Variants in CHD7 observed in about 807,000 individuals in gnomAD.
CHD7 encodes chromodomain helicase DNA binding protein 7.
CHD7 carries 24 observed loss-of-function variants against 307.3 expected under a neutral mutation model. That is an observed-to-expected ratio of 0.08 (90% confidence interval 0.06 to 0.11). The LOEUF is 0.11. Ranked by LOEUF, CHD7 falls within the 10% of genes least tolerant of loss-of-function variation. The pLI is 1.00. For missense variants in CHD7, 3,106 were observed against 3,727.1 expected (o/e 0.83, Z 4.34); for synonymous variants, 1,363 against 1,349.9 (o/e 1.01, Z -0.21).
intron 1 of CHD7, among the ~76,000 whole-genome samples, chr8:60,710,823 A>G (rs1807251108): frequency 6.6e-6 from 1 of 152,184 alleles, no homozygotes; most frequent in Non-Finnish European, 1.5e-5. Flanking sequence ...TGTCCTGCGT[A>G]AAAAAGAGCT....
chr8:60,776,818 A>G (rs183696646), intron 2 of CHD7, among the ~76,000 whole-genome samples: 2 of 152,288 alleles, frequency 1.3e-5, no homozygotes, highest in Admixed American at 1.3e-4. Flanking sequence ...CCTTTTTTGA[A>G]GAGTGTAGAG....
chr8:60,861,249 A>C, intron 35 of CHD7, 124 bp downstream of exon 35: 1 of 709,578 alleles, frequency 1.4e-6, no homozygotes, highest in Non-Finnish European at 2.3e-6. Flanking sequence ...CCTGGTCTCA[A>C]ACATTTCCCA....
At chr8:60,680,321 G>A (rs1354758224) in intron 1 of CHD7, among the ~76,000 whole-genome samples, 1 of 147,204 alleles carries the variant, frequency 6.8e-6, no homozygotes, top group Non-Finnish European at 1.5e-5. Context: ...CTGGGGGCGC[G>A]GGGCTCGGGC....
rs765715877 is a variant in CHD7, at chr8:60,781,038, G to C, written c.1704G>C (p.Pro568=). Residue 568 remains proline (P), a synonymous_variant, in exon 3 of 38, where the codon CCG becomes CCC. Transcript: ENST00000423902. ...AGCCCTTTCTAGAGAAACCAGTGCC[G>C]GATATGACTCAGGTTAGTGGACCGA... ...PSEPFLEKPV[P]DMTQVSGPNA... 2 of 1,595,456 alleles carry C rather than the reference G, an allele frequency of 1.3e-6. No homozygotes were observed. Among genetic ancestry groups the C allele is most frequent in the South Asian group, 1.1e-5 (1 of 86,966 alleles).
At chr8:60,743,373 G>A (rs1809156453) in intron 2 of CHD7, among the ~76,000 whole-genome samples, 1 of 152,232 alleles carries the variant, frequency 6.6e-6, no homozygotes, top group African/African-American at 2.4e-5. Context: ...AGAGGACTCA[G>A]AATGCTCACA....
intron 3 of CHD7, among the ~76,000 whole-genome samples, chr8:60,791,883 T>G (rs1335506399): frequency 6.6e-6 from 1 of 152,204 alleles, no homozygotes; most frequent in Non-Finnish European, 1.5e-5. Flanking sequence ...TTGGATGAAG[T>G]CATCCTCAGT....
intron 19 of CHD7, among the ~76,000 whole-genome samples, chr8:60,838,842 G>A (rs914076098): frequency 6.6e-6 from 1 of 152,198 alleles, no homozygotes; most frequent in African/African-American, 2.4e-5. Context: ...CCACCTGAGA[G>A]CCCCTTCTGA....
In CHD7 at chr8:60,793,928, G is replaced by C. The variant is rs577593454; in HGVS notation, c.2097-1058G>C. ...ACCTGAGGTCAGGAGTTCAAGACCA[G>C]CATGACCAACATGGTGAAAGCCCGT... On this transcript the variant is annotated intron_variant, in intron 3 of 37. Coordinates refer to ENST00000423902, the MANE Select transcript of CHD7 (RefSeq NM_017780.4). Among the ~76,000 whole-genome samples the C allele has an allele frequency of 3.9e-4, 59 of 152,240 alleles. No individual in the cohort carries two copies. The South Asian group carries it at 0.011, about 29-fold the overall frequency.
chr8:60,742,254 A>G lies in CHD7; in HGVS notation c.822A>G (p.Arg274=), dbSNP rs1218747876. ...GAGAATCCGTTGCCCACAGTCCCAG[A>G]TTCTCCCCGAATCCTCCCCAACAAG... is the stretch of plus-strand genomic sequence containing the variant. The part of the protein sequence containing the change: ...LHGESVAHSP[R]FSPNPPQQGA... The change falls in exon 2 of 38, where the codon AGA becomes AGG. Residue 274 remains arginine (R), a synonymous_variant. Coordinates refer to ENST00000423902, the MANE Select transcript of CHD7 (RefSeq NM_017780.4). The G allele has an allele frequency of 6.2e-7, 1 of 1,613,618 alleles. No individual in the cohort carries two copies. The highest frequency in any genetic ancestry group is 2.2e-5 in the East Asian group (1 of 44,854).
intron 13 of CHD7, among the ~76,000 whole-genome samples, chr8:60,828,282 T>C (rs1804346751): frequency 6.6e-6 from 1 of 152,142 alleles, no homozygotes; most frequent in South Asian, 2.1e-4. Context: ...GCACTGTTGA[T>C]GTAGAGAGCA....
intron 2 of CHD7, among the ~76,000 whole-genome samples, chr8:60,755,758 G>A (rs9650201): frequency 0.77 from 117,237 of 152,060 alleles, 45,486 homozygotes; most frequent in East Asian, 0.94. Flanking sequence ...AGGCTGTCAT[G>A]TATGTTCAGT....
rs369545523 is a variant in CHD7, at chr8:60,741,941, C to A, written c.509C>A (p.Pro170Gln). Reference protein sequence around the residue: ...YQQQQPQPQPPQPAPSGPPAQ... With the variant: ...YQQQQPQPQPQQPAPSGPPAQ... ...CAGCAGCAGCCACAGCCGCAGCCAC[C>A]GCAGCCGGCTCCGTCGGGGCCCCCT... The change falls in exon 2 of 38, where the codon CCG becomes CAG. Residue 170 changes from proline to glutamine, a missense_variant. By Grantham distance (76) the Pro-to-Gln change is moderately conservative. Transcript: ENST00000423902. 3.1e-6 allele frequency: 5 copies of A among 1,613,432 alleles called. No homozygotes were observed. The highest frequency in any genetic ancestry group is 1.7e-5 in the Admixed American group (1 of 59,950).
chr8:60,806,302 G>A (rs775666403), intron 6 of CHD7, among the ~76,000 whole-genome samples: 1 of 152,242 alleles, frequency 6.6e-6, no homozygotes, highest in East Asian at 1.9e-4. Flanking sequence ...GGCAGAGCTT[G>A]CAGTGAGCCG....
At chr8:60,862,365 T>C in intron 36 of CHD7, 29 bp downstream of exon 36, 1 of 1,583,322 alleles carries the variant, frequency 6.3e-7, no homozygotes, top group Non-Finnish European at 8.6e-7. Context: ...AATTGATCAC[T>C]ATGCGATTTC....
intron 34 of CHD7, 130 bp downstream of exon 34, chr8:60,857,018 T>C (rs1805749821): frequency 8.1e-6 from 6 of 740,286 alleles, no homozygotes; most frequent in Middle Eastern, 4.0e-4. Context: ...ACTAAAGAAA[T>C]AGTTTTACAA....
chr8:60,858,255 CAAAAA>C (rs1265849622), intron 34 of CHD7, among the ~76,000 whole-genome samples: 1 of 151,744 alleles, frequency 6.6e-6, no homozygotes, highest in Non-Finnish European at 1.5e-5. Context: ...GACTCTGTCT[CAAAAA>C]AATAAAGAAA....
At chr8:60,688,315 C>T (rs557646012) in intron 1 of CHD7, among the ~76,000 whole-genome samples, 10 of 145,768 alleles carry the variant, frequency 6.9e-5, no homozygotes, top group East Asian at 2.0e-4. Flanking sequence ...AGCTAACATA[C>T]TTGGTATAGC....
At chr8:60,737,643 T>C in intron 1 of CHD7, among the ~76,000 whole-genome samples, 1 of 152,232 alleles carries the variant, frequency 6.6e-6, no homozygotes, top group East Asian at 1.9e-4. Flanking sequence ...AACTGTCCTT[T>C]AGTTCACATC....
intron 2 of CHD7, among the ~76,000 whole-genome samples, chr8:60,756,351 A>C (rs1809891473): frequency 1.3e-5 from 2 of 152,358 alleles, no homozygotes; most frequent in South Asian, 4.1e-4. Flanking sequence ...TAATGCTGAC[A>C]TAAGTCACTT....
Sources: gnomAD v4.1 joint callset for allele counts (sites outside exome capture counted in the v4.1 genomes callset) on GRCh38, gnomAD v4.1.1 for gene constraint, MANE v1.5 for transcripts, NCBI Gene and HGNC (gene_info 2026-07-23, HGNC 2026-07-21) for gene names.